Variants in BBS9 observed in about 807,000 individuals in gnomAD.
BBS9 encodes protein PTHB1.
A neutral mutation model predicts 117.7 loss-of-function variants in BBS9; 89 were observed. The observed-to-expected ratio is 0.76, with a 90% CI of 0.64 to 0.90. BBS9 has a LOEUF of 0.90. BBS9 is among the 40% of genes least tolerant of loss of function. The pLI is 0.00. For missense variants in BBS9, 982 were observed against 1,042.2 expected (o/e 0.94, Z 0.80); for synonymous variants, 379 against 370.9 (o/e 1.02, Z -0.25).
intron 21 of BBS9, among the ~76,000 whole-genome samples, chr7:33,591,229 C>T (rs1585391767): frequency 6.6e-6 from 1 of 152,092 alleles, no homozygotes; most frequent in Non-Finnish European, 1.5e-5. Context: ...AGCACCTACT[C>T]TTTGCATAAG....
chr7:33,177,360 T>G lies in BBS9; in HGVS notation c.329-118T>G, dbSNP rs1055993716. The G allele has an allele frequency of 1.1e-5, 8 of 722,980 alleles. No homozygotes were observed. The African/African-American group carries it at 1.2e-4, about 11-fold the overall frequency. The allele number at this position is 722,980 out of a possible 1,614,324, so 44.8% of individuals were successfully genotyped here. ...TAATTTTTCACAATACATAATATTTTAGTGCTTTGCCATTATAATTTCCCT... is the reference window on the plus strand; with the variant it reads ...TAATTTTTCACAATACATAATATTTGAGTGCTTTGCCATTATAATTTCCCT... On this transcript the variant is annotated intron_variant, in intron 4 of 22. Transcript: ENST00000242067.
At chr7:33,281,613 C>T (rs1223662165) in intron 9 of BBS9, among the ~76,000 whole-genome samples, 1 of 151,200 alleles carries the variant, frequency 6.6e-6, no homozygotes, top group East Asian at 2.0e-4. Flanking sequence ...TAGCCTCAAG[C>T]CATTCTCCTG....
At chr7:33,539,324 A>G (rs1330351304) in intron 21 of BBS9, among the ~76,000 whole-genome samples, 1 of 152,166 alleles carries the variant, frequency 6.6e-6, no homozygotes, top group Non-Finnish European at 1.5e-5. Context: ...GCTCAGAGCC[A>G]GGTGATGAGC....
intron 17 of BBS9, among the ~76,000 whole-genome samples, chr7:33,377,209 A>C (rs759413597): frequency 1.3e-5 from 2 of 152,008 alleles, no homozygotes; most frequent in Non-Finnish European, 2.9e-5. Context: ...ACCCATCTTG[A>C]GTTGATTTTT....
chr7:33,292,303 C>T (rs1401099158), intron 9 of BBS9, among the ~76,000 whole-genome samples: 3 of 152,082 alleles, frequency 2.0e-5, no homozygotes, highest in African/African-American at 7.2e-5. Flanking sequence ...CCATAGCTCA[C>T]TGCAACCTCT....
chr7:33,219,060 G>A (rs1465764126), intron 5 of BBS9, among the ~76,000 whole-genome samples: 4 of 152,204 alleles, frequency 2.6e-5, no homozygotes, highest in South Asian at 2.1e-4. Flanking sequence ...GGCGGGCCCC[G>A]CACTCGGAGC....
At chr7:33,239,618 T>C (rs935547039) in intron 5 of BBS9, among the ~76,000 whole-genome samples, 3 of 152,210 alleles carry the variant, frequency 2.0e-5, no homozygotes, top group Admixed American at 2.0e-4. Flanking sequence ...TGATATCAAA[T>C]ATTTTAATCT....
At chr7:33,611,850 A>G (rs1417099469) in intron 21 of BBS9, among the ~76,000 whole-genome samples, 1 of 141,724 alleles carries the variant, frequency 7.1e-6, no homozygotes, top group Non-Finnish European at 1.5e-5. Flanking sequence ...TTATTATATA[A>G]TAATATATAA....
In BBS9 at chr7:33,463,827, C is replaced by T. The variant is rs980853637; in HGVS notation, c.2116-41636C>T. Among the ~76,000 whole-genome samples the T allele has an allele frequency of 4.6e-5, 7 of 152,006 alleles. No individual in the cohort carries two copies. The South Asian group carries it at 1.2e-3, about 27-fold the overall frequency. On this transcript the variant is annotated intron_variant, in intron 19 of 22. Coordinates refer to ENST00000242067, the MANE Select transcript of BBS9 (RefSeq NM_198428.3). ...TAAACTTAAAATTTAAATTTGATCT[C>T]CTATCAACCCACCCCTTTCTGAAAT... is the stretch of plus-strand genomic sequence containing the variant.
chr7:33,348,640 T>G (rs1027516231), intron 12 of BBS9, among the ~76,000 whole-genome samples: 2 of 152,192 alleles, frequency 1.3e-5, no homozygotes, highest in Non-Finnish European at 2.9e-5. Flanking sequence ...ACTGCCAAAC[T>G]TTTCTTAGAG....
At chr7:33,316,083 A>C (rs1409639789) in intron 9 of BBS9, among the ~76,000 whole-genome samples, 1 of 152,142 alleles carries the variant, frequency 6.6e-6, no homozygotes, top group Non-Finnish European at 1.5e-5. Flanking sequence ...TCACCTAGAA[A>C]GTTTCCTTGT....
rs567662660 is a variant in BBS9 at position 33,594,201 on chromosome 7, G to A, written c.2522-10664G>A. Among the ~76,000 whole-genome samples, 6 of 152,156 alleles carry A rather than the reference G, an allele frequency of 3.9e-5. No individual in the cohort carries two copies. In the East Asian group the frequency reaches 5.8e-4, roughly 15 times the overall value. On this transcript the variant is annotated intron_variant, in intron 21 of 22. Transcript: ENST00000242067. Reference sequence around the variant, plus strand: ...GTATTAGACTCTCTTTTATTCACACGCTTTATCTCTGCTCTGAGGTGTGAA... The same window carrying A: ...GTATTAGACTCTCTTTTATTCACACACTTTATCTCTGCTCTGAGGTGTGAA...
intron 19 of BBS9, among the ~76,000 whole-genome samples, chr7:33,415,755 C>T (rs1831898506): frequency 6.6e-6 from 1 of 152,124 alleles, no homozygotes; most frequent in Admixed American, 6.5e-5. Flanking sequence ...TTAGGAACAG[C>T]ATAGGAATAA....
chr7:33,226,428 TC>T (rs1259672947), intron 5 of BBS9, among the ~76,000 whole-genome samples: 1 of 152,198 alleles, frequency 6.6e-6, no homozygotes, highest in Non-Finnish European at 1.5e-5. Context: ...AGAAAACTCT[TC>T]TACTTTCAAT....
At chr7:33,230,431 TC>T (rs1792132282) in intron 5 of BBS9, among the ~76,000 whole-genome samples, 1 of 152,196 alleles carries the variant, frequency 6.6e-6, no homozygotes, top group Non-Finnish European at 1.5e-5. Context: ...AAAAAAATTT[TC>T]AATAACTTTA....
chr7:33,250,240 C>T (rs6969284), intron 5 of BBS9, among the ~76,000 whole-genome samples: 3 of 151,998 alleles, frequency 2.0e-5, no homozygotes, highest in Non-Finnish European at 4.4e-5. Flanking sequence ...ACTATTGTCT[C>T]TTTTTTAGAG....
chr7:33,450,460 A>G (rs939248458), intron 19 of BBS9, among the ~76,000 whole-genome samples: 1 of 152,184 alleles, frequency 6.6e-6, no homozygotes, highest in Admixed American at 6.5e-5. Flanking sequence ...ACTGTTTTTC[A>G]TAGCAGTTGC....
At position 33,387,986 on chromosome 7, in the gene BBS9, T is replaced by A; in HGVS notation, c.1963-6T>A. 6.2e-7 allele frequency: 1 copy of A among 1,613,896 alleles called. No individual in the cohort carries two copies. Among genetic ancestry groups the A allele is most frequent in the Non-Finnish European group, 8.5e-7 (1 of 1,179,764 alleles). On this transcript the variant is annotated splice_polypyrimidine_tract_variant and splice_region_variant and intron_variant, in intron 18 of 22. Coordinates refer to ENST00000242067, the MANE Select transcript of BBS9 (RefSeq NM_198428.3). ...TAATCTCAATTTAAGAAATTATTCA[T>A]TGCAGCTACGGATAAATGGTGAAAA...
intron 5 of BBS9, 83 bp from the exon 6 acceptor site, chr7:33,257,153 A>C: frequency 1.0e-6 from 1 of 970,440 alleles, no homozygotes; most frequent in South Asian, 1.9e-5. Flanking sequence ...TGCCTAAGAC[A>C]TACATGTTGT....
Sources: allele counts gnomAD v4.1 joint callset (sites outside exome capture counted in the v4.1 genomes callset), GRCh38; gene constraint gnomAD v4.1.1; transcripts MANE v1.5; gene names NCBI Gene and HGNC (gene_info 2026-07-23, HGNC 2026-07-21).